GRM1: variants seen among roughly 807,000 people sequenced by gnomAD.
The protein encoded by GRM1 is metabotropic glutamate receptor 1.
GRM1 carries 33 observed loss-of-function variants against 90.9 expected under a neutral mutation model. The observed-to-expected ratio is 0.36, with a 90% CI of 0.28 to 0.49. The LOEUF is 0.49. Among genes scored for constraint, GRM1 ranks in the 20% least tolerant of loss-of-function variants. The pLI, the probability that GRM1 is intolerant of heterozygous loss-of-function variation, is 0.99. For synonymous variants in GRM1, 700 were observed against 613.2 expected, an observed-to-expected ratio of 1.14 and a Z score of -2.09; for missense variants, 1,190 against 1,534.3, an observed-to-expected ratio of 0.78 and a Z score of 3.75.
intron 2 of GRM1, among the ~76,000 whole-genome samples, chr6:146,253,945 T>C: frequency 6.6e-6 from 1 of 152,180 alleles, no homozygotes; most frequent in East Asian, 1.9e-4. Flanking sequence ...GAATCTTACT[T>C]TTCTCTTCAT....
At chr6:146,159,916 T>TATAA in intron 2 of GRM1, 1 of 64,028 alleles carries the variant, frequency 1.6e-5, no homozygotes, top group Non-Finnish European at 3.9e-5. Flanking sequence ...ACCTTAACTA[T>TATAA]AAAAAAAAAA....
intron 1 of GRM1, among the ~76,000 whole-genome samples, chr6:146,107,557 G>T (rs1179619978): frequency 6.6e-6 from 1 of 152,138 alleles, no homozygotes. Flanking sequence ...TGGAACTGCA[G>T]TTGTCCCCCA....
intron 1 of GRM1, among the ~76,000 whole-genome samples, 159 bp downstream of exon 1, chr6:146,030,376 A>T (rs1047227035): frequency 1.3e-5 from 2 of 152,280 alleles, no homozygotes; most frequent in South Asian, 4.1e-4. Flanking sequence ...TTTTATCCTC[A>T]TTTCCTTACA....
intron 2 of GRM1, among the ~76,000 whole-genome samples, chr6:146,290,572 A>G (rs1281164331): frequency 6.6e-6 from 1 of 152,122 alleles, no homozygotes; most frequent in Admixed American, 6.5e-5. Flanking sequence ...TTGAAACCCA[A>G]TATTGTCTGG....
intron 2 of GRM1, among the ~76,000 whole-genome samples, chr6:146,226,646 C>T (rs550827744): frequency 2.0e-5 from 3 of 152,176 alleles, no homozygotes; most frequent in Non-Finnish European, 2.9e-5. Flanking sequence ...TAATTAAAAC[C>T]GCTTCTGTAT....
At chr6:146,169,436 C>T (rs1778021807) in intron 2 of GRM1, among the ~76,000 whole-genome samples, 1 of 152,080 alleles carries the variant, frequency 6.6e-6, no homozygotes, top group African/African-American at 2.4e-5. Context: ...GTGTAAGTTC[C>T]AGGATTTGTT....
At chr6:146,432,801 C>T (rs181058271) in intron 7 of GRM1, among the ~76,000 whole-genome samples, 1 of 152,300 alleles carries the variant, frequency 6.6e-6, no homozygotes, top group African/African-American at 2.4e-5. Flanking sequence ...GAAGTGAGAT[C>T]AGAGTTATTA....
In GRM1 at chr6:146,029,349, G is replaced by A. The variant is rs1462427870; in HGVS notation, c.-169G>A. On this transcript the variant is annotated 5_prime_UTR_variant, in exon 1 of 8. Transcript: ENST00000282753. ...GGAGGACCCAGAGGAGGAGACGAAG[G>A]GGAAGGAGGCGGTGGTGGAGGAGGC... is the stretch of plus-strand genomic sequence containing the variant. 2 of 675,164 alleles carry A rather than the reference G, an allele frequency of 3.0e-6. No homozygotes were observed. The highest frequency in any genetic ancestry group is 5.3e-6 in the Non-Finnish European group (2 of 375,602). The allele number at this position is 675,164 out of a possible 1,614,324, so 41.8% of individuals were successfully genotyped here.
intron 2 of GRM1, among the ~76,000 whole-genome samples, chr6:146,174,678 A>G (rs978916790): frequency 3.9e-5 from 6 of 152,216 alleles, no homozygotes; most frequent in African/African-American, 1.4e-4. Context: ...GGGTTATTAG[A>G]TTAGGAATGT....
rs117479691 is a variant in GRM1 at position 146,076,157 on chromosome 6, G to A, written c.700+45940G>A. On this transcript the variant is annotated intron_variant, in intron 1 of 7. Transcript: ENST00000282753. Reference sequence around the variant, plus strand: ...TGACTGGTGTGTTTGAAAAACTTCAGGGAGCTCATTTATCTTGCATAGGGT... The same window carrying A: ...TGACTGGTGTGTTTGAAAAACTTCAAGGAGCTCATTTATCTTGCATAGGGT... Among the ~76,000 whole-genome samples, 612 of 152,260 alleles carry A rather than the reference G, an allele frequency of 4.0e-3. 19 individuals carry two copies. The East Asian group carries it at 0.071, about 18-fold the overall frequency.
intron 2 of GRM1, among the ~76,000 whole-genome samples, chr6:146,298,207 T>C (rs919507247): frequency 3.2e-4 from 48 of 152,208 alleles, no homozygotes; most frequent in Admixed American, 3.3e-4. Context: ...TTGTGCCCTT[T>C]TCACATATGA....
chr6:146,028,925 A>C (rs567408223), upstream of GRM1, among the ~76,000 whole-genome samples: 1 of 152,110 alleles, frequency 6.6e-6, no homozygotes, highest in South Asian at 2.1e-4. Flanking sequence ...GTTAGAAAGC[A>C]TGATAGGTTT....
intron 5 of GRM1, among the ~76,000 whole-genome samples, chr6:146,365,659 C>A (rs1228866594): frequency 6.6e-6 from 1 of 152,168 alleles, no homozygotes; most frequent in Non-Finnish European, 1.5e-5. Flanking sequence ...TCCTACCTAG[C>A]CTTGCTCTAG....
At chr6:146,354,333 A>T (rs984088359) in intron 4 of GRM1, among the ~76,000 whole-genome samples, 1 of 147,020 alleles carries the variant, frequency 6.8e-6, no homozygotes, top group Admixed American at 6.8e-5. Flanking sequence ...GTCCCACTGG[A>T]CCCTAGGCTC....
At chr6:146,318,063 C>T (rs1293418270) in intron 3 of GRM1, among the ~76,000 whole-genome samples, 6 of 152,178 alleles carry the variant, frequency 3.9e-5, no homozygotes, top group South Asian at 4.1e-4. Context: ...AGGTTTGTTA[C>T]GTAGATATAC....
intron 1 of GRM1, among the ~76,000 whole-genome samples, chr6:146,086,909 A>G (rs907638564): frequency 6.6e-6 from 1 of 152,144 alleles, no homozygotes; most frequent in African/African-American, 2.4e-5. Flanking sequence ...ATGGCAGCAT[A>G]AAGATACTCC....
intron 2 of GRM1, among the ~76,000 whole-genome samples, chr6:146,170,368 C>A (rs1028409411): frequency 1.3e-5 from 2 of 152,222 alleles, no homozygotes; most frequent in African/African-American, 4.8e-5. Flanking sequence ...CTTTATCTTT[C>A]TCCACTTTTT....
chr6:146,252,670 A>G (rs536289896), intron 2 of GRM1, among the ~76,000 whole-genome samples: 1 of 152,170 alleles, frequency 6.6e-6, no homozygotes, highest in African/African-American at 2.4e-5. Flanking sequence ...TTCCAGCAGG[A>G]CAAGTTAGAA....
chr6:146,318,463 T>C (rs1290299505), intron 3 of GRM1, among the ~76,000 whole-genome samples: 4 of 152,222 alleles, frequency 2.6e-5, no homozygotes, highest in Non-Finnish European at 5.9e-5. Flanking sequence ...GCAATAAACA[T>C]ACGTGTGCAT....
Sources: gnomAD v4.1 joint callset for allele counts (sites outside exome capture counted in the v4.1 genomes callset) on GRCh38, gnomAD v4.1.1 for gene constraint, MANE v1.5 for transcripts, NCBI Gene and HGNC (gene_info 2026-07-23, HGNC 2026-07-21) for gene names.